The following TNIP3 variants were observed in gnomAD, a reference collection of about 807,000 sequenced individuals.
The protein encoded by TNIP3 is TNFAIP3-interacting protein 3.
A neutral mutation model predicts 54.1 loss-of-function variants in TNIP3; 34 were observed. That is an observed-to-expected ratio of 0.63 (90% CI 0.48 to 0.84). TNIP3 has a LOEUF of 0.84. TNIP3 is among the 40% of genes least tolerant of loss of function. TNIP3 has a pLI of 0.00. For missense variants in TNIP3, 366 were observed against 387.6 expected, an observed-to-expected ratio of 0.94 and a Z score of 0.47; for synonymous variants, 134 against 136.8, an observed-to-expected ratio of 0.98 and a Z score of 0.14.
intron 3 of TNIP3, among the ~76,000 whole-genome samples, chr4:121,157,783 A>G (rs1730205459): frequency 6.6e-6 from 1 of 152,210 alleles, no homozygotes; most frequent in Admixed American, 6.5e-5. Flanking sequence ...TGCATCTTCC[A>G]AGATGGAGAT....
At chr4:121,222,886 A>C (rs569061284) in intron 1 of TNIP3, among the ~76,000 whole-genome samples, 4 of 145,142 alleles carry the variant, frequency 2.8e-5, no homozygotes, top group Admixed American at 7.1e-5. Flanking sequence ...GCTCACTGCA[A>C]GCTCCGCCTC....
At chr4:121,162,011 G>C (rs1230342983) in intron 1 of TNIP3, among the ~76,000 whole-genome samples, 2 of 152,150 alleles carry the variant, frequency 1.3e-5, no homozygotes, top group South Asian at 2.1e-4. Context: ...AGTCATATAA[G>C]TAATACAATT....
intron 2 of TNIP3, chr4:121,182,851 C>T: frequency 6.6e-7 from 1 of 1,521,806 alleles, no homozygotes; most frequent in Admixed American, 2.0e-5. Flanking sequence ...AAAAATTATT[C>T]AGGCGTAGAG....
chr4:121,157,751 G>A (rs1056807093), intron 3 of TNIP3, among the ~76,000 whole-genome samples: 2 of 152,178 alleles, frequency 1.3e-5, no homozygotes, highest in Admixed American at 6.5e-5. Context: ...CCACAGTCCA[G>A]AGGGAGAATC....
chr4:121,169,184 C>A (rs531067547), upstream of TNIP3, among the ~76,000 whole-genome samples: 3 of 152,284 alleles, frequency 2.0e-5, no homozygotes, highest in Non-Finnish European at 4.4e-5. Context: ...AGGTCCTGCA[C>A]AATCTAGCCC....
At chr4:121,133,939 T>C (rs1728628292) in intron 10 of TNIP3, among the ~76,000 whole-genome samples, 1 of 151,832 alleles carries the variant, frequency 6.6e-6, no homozygotes, top group African/African-American at 2.4e-5. Flanking sequence ...CCCCAGAGGA[T>C]TTGGAAGGAG....
chr4:121,224,392 A>G (rs894866123), intron 1 of TNIP3, among the ~76,000 whole-genome samples: 1 of 152,060 alleles, frequency 6.6e-6, no homozygotes, highest in African/African-American at 2.4e-5. Context: ...GAAAAAAGAA[A>G]AAGAAAAGTT....
At chr4:121,205,284 A>T (rs897484004) in intron 2 of TNIP3, among the ~76,000 whole-genome samples, 3 of 152,166 alleles carry the variant, frequency 2.0e-5, no homozygotes, top group African/African-American at 4.8e-5. Flanking sequence ...CTGTAAAGGT[A>T]GCCAGTGCAA....
At chr4:121,200,060 T>G (rs1725798423) in intron 2 of TNIP3, among the ~76,000 whole-genome samples, 1 of 152,050 alleles carries the variant, frequency 6.6e-6, no homozygotes, top group Non-Finnish European at 1.5e-5. Flanking sequence ...CCCTTACCTG[T>G]CAATATTGAG....
intron 2 of TNIP3, chr4:121,182,901 T>C (rs1011774863): frequency 1.8e-6 from 2 of 1,128,258 alleles, no homozygotes; most frequent in South Asian, 3.1e-5. Flanking sequence ...TTATGTATGA[T>C]ACTTCTCTAC....
At chr4:121,139,218 C>A (rs757205825) in intron 9 of TNIP3, among the ~76,000 whole-genome samples, 1 of 152,170 alleles carries the variant, frequency 6.6e-6, no homozygotes, top group African/African-American at 2.4e-5. Context: ...AAGAACCGAT[C>A]CAGCAGAACC....
chr4:121,136,784 G>A (rs1240468380), intron 10 of TNIP3: 4 of 143,088 alleles, frequency 2.8e-5, no homozygotes, highest in African/African-American at 1.0e-4. Context: ...GAGCCCAGGA[G>A]TTTAAGGGTA....
intron 6 of TNIP3, among the ~76,000 whole-genome samples, chr4:121,149,706 C>T (rs115735201): frequency 0.024 from 3,671 of 152,242 alleles, 171 homozygotes; most frequent in African/African-American, 0.083. Context: ...GCGGAAGTTG[C>T]GGTGAGCGGA....
chr4:121,220,414 C>T (rs1252446090), upstream of TNIP3, among the ~76,000 whole-genome samples: 2 of 152,084 alleles, frequency 1.3e-5, no homozygotes, highest in African/African-American at 4.8e-5. Flanking sequence ...GGTTTCTTTA[C>T]AAGGGAGCAA....
rs1730637088 is a variant in TNIP3, at chr4:121,164,251, A to G, written c.-126T>C. ...AAACACACATCACCGTTAACTCATA[A>G]TAGAAAATAACAGCAATAGGTTTTC... On this transcript the variant is annotated 5_prime_UTR_variant, in exon 1 of 11. Coordinates refer to ENST00000057513, the MANE Select transcript of TNIP3 (RefSeq NM_024873.6). 7.3e-6 allele frequency: 11 copies of G among 1,503,098 alleles called. No individual in the cohort carries two copies. The South Asian group carries it at 1.4e-4, about 20-fold the overall frequency. 93.1% of individuals were successfully genotyped at this position (1,503,098 alleles called of 1,614,324 possible).
chr4:121,141,033 T>C lies in TNIP3; in HGVS notation c.885+783A>G, dbSNP rs577463242. On this transcript the variant is annotated intron_variant, in intron 9 of 10. Coordinates refer to ENST00000057513, the MANE Select transcript of TNIP3 (RefSeq NM_024873.6). ...AAGCATTCTGGTAGGAAAATCCCAG[T>C]TAAAAATCTTAGATTTTTTCATCAT... is the stretch of plus-strand genomic sequence containing the variant. 3.9e-5 allele frequency among the ~76,000 whole-genome samples: 6 copies of C among 152,346 alleles called. No homozygotes were observed. The East Asian group carries it at 1.2e-3, about 29-fold the overall frequency.
At chr4:121,188,031 C>T (rs1725114967) in intron 2 of TNIP3, among the ~76,000 whole-genome samples, 1 of 151,908 alleles carries the variant, frequency 6.6e-6, no homozygotes, top group Admixed American at 6.6e-5. Flanking sequence ...TTAAGGGGGC[C>T]TCTTGACTAA....
At chr4:121,226,271 GAA>G (rs1433960887) in intron 1 of TNIP3, among the ~76,000 whole-genome samples, 7 of 152,116 alleles carry the variant, frequency 4.6e-5, no homozygotes, top group African/African-American at 1.4e-4. Flanking sequence ...GAGGCACAAA[GAA>G]AGAGAGACAG....
intron 1 of TNIP3, among the ~76,000 whole-genome samples, chr4:121,162,876 T>C (rs992944377): frequency 6.6e-6 from 1 of 152,216 alleles, no homozygotes; most frequent in Non-Finnish European, 1.5e-5. Context: ...GTCTCCTCTC[T>C]GTTTGTGATG....
Sources: allele counts gnomAD v4.1 joint callset (sites outside exome capture counted in the v4.1 genomes callset), GRCh38; gene constraint gnomAD v4.1.1; transcripts MANE v1.5; gene names NCBI Gene and HGNC (gene_info 2026-07-23, HGNC 2026-07-21).